COL13A1: variants seen among roughly 807,000 people sequenced by gnomAD.
The protein encoded by COL13A1 is collagen alpha-1(XIII) chain.
Under a neutral mutation model 130.9 loss-of-function variants are expected in COL13A1, and 89 were observed. The ratio of observed to expected loss-of-function variants is 0.68; its 90% CI spans 0.57 to 0.81. COL13A1 has a LOEUF of 0.81. COL13A1 is among the 30% of genes least tolerant of loss of function. The pLI, the probability that COL13A1 is intolerant of heterozygous loss-of-function variation, is 0.00. For synonymous variants in COL13A1, 402 were observed against 341.6 expected (o/e 1.18, Z -1.95); for missense variants, 879 against 934.6 (o/e 0.94, Z 0.78).
At chr10:69,919,594 A>G (rs1339843249) in intron 20 of COL13A1, 71 bp from the exon 21 acceptor site, 2 of 398,830 alleles carry the variant, frequency 5.0e-6, no homozygotes, top group African/African-American at 2.1e-5. Context: ...CTGGTCAATG[A>G]TCACTGCCCA....
At chr10:69,859,230 A>G (rs1857284742) in intron 2 of COL13A1, among the ~76,000 whole-genome samples, 1 of 152,240 alleles carries the variant, frequency 6.6e-6, no homozygotes, top group South Asian at 2.1e-4. Context: ...AGGTTGATGC[A>G]AAAGTAATTG....
At chr10:69,953,084 C>A in intron 39 of COL13A1, 116 bp downstream of exon 39, 3 of 665,828 alleles carry the variant, frequency 4.5e-6, no homozygotes, top group South Asian at 3.7e-5. Flanking sequence ...CGGATGCTAC[C>A]AAAATCTCTC....
chr10:69,883,502 C>G (rs769071085), intron 7 of COL13A1, among the ~76,000 whole-genome samples: 47 of 152,224 alleles, frequency 3.1e-4, no homozygotes, highest in Non-Finnish European at 1.0e-4. Context: ...GCGTAGAAAC[C>G]TGACCTCTGT....
At chr10:69,829,538 A>G (rs1848312160) in intron 2 of COL13A1, among the ~76,000 whole-genome samples, 1 of 152,218 alleles carries the variant, frequency 6.6e-6, no homozygotes, top group Non-Finnish European at 1.5e-5. Context: ...TGCTTTAGAA[A>G]TCAGCCAGTC....
At chr10:69,909,373 C>A (rs1212858191) in intron 17 of COL13A1, among the ~76,000 whole-genome samples, 1 of 152,182 alleles carries the variant, frequency 6.6e-6, no homozygotes, top group Admixed American at 6.5e-5. Context: ...GCTGTGAGGC[C>A]ATCATGCCCC....
At chr10:69,931,192 A>T (rs574120497) in intron 30 of COL13A1, 1 of 456,238 alleles carries the variant, frequency 2.2e-6, no homozygotes, top group African/African-American at 2.0e-5. Flanking sequence ...AGAGGAGAAC[A>T]TGGTGGCCAG....
At chr10:69,868,271 G>A (rs933828155) in intron 3 of COL13A1, among the ~76,000 whole-genome samples, 1 of 152,172 alleles carries the variant, frequency 6.6e-6, no homozygotes, top group Non-Finnish European at 1.5e-5. Flanking sequence ...CCCTGAGTGG[G>A]GCAGCTCCAT....
chr10:69,897,630 C>A, intron 13 of COL13A1: 1 of 1,346,612 alleles, frequency 7.4e-7, no homozygotes, highest in Admixed American at 1.9e-5. Flanking sequence ...GCAGTGGGAG[C>A]GGGTGGAGCT....
chr10:69,895,564 G>T lies in COL13A1; in HGVS notation c.672G>T (p.Glu224Asp), dbSNP rs749952829. ...GQKGEKGQCG[E>D]YPHRLLPLLN... is the part of the protein sequence containing the mutation. ...CTCCTTCCCAGGGTCAGTGTGGAGAGTACCCACACCGGGTAAGTGAACCCC... is the reference window on the plus strand; with the variant it reads ...CTCCTTCCCAGGGTCAGTGTGGAGATTACCCACACCGGGTAAGTGAACCCC... Residue 224 changes from glutamate (E) to aspartate (D), a missense_variant, in exon 13 of 41, where the codon GAG (glutamate) becomes GAT (aspartate). By Grantham distance (45) the Glu-to-Asp change is conservative. Around this residue, in one of 3 missense-constraint regions of COL13A1, gnomAD observed 715 missense variants for 721.0 expected, o/e 0.99. Transcript: ENST00000645393. 3 of 1,613,970 alleles carry T rather than the reference G, an allele frequency of 1.9e-6. No homozygotes were observed. Among genetic ancestry groups the T allele is most frequent in the South Asian group, 2.2e-5 (2 of 91,078 alleles).
chr10:69,888,561 G>A (rs370042359), intron 9 of COL13A1, among the ~76,000 whole-genome samples: 7 of 152,194 alleles, frequency 4.6e-5, no homozygotes, highest in African/African-American at 1.2e-4. Flanking sequence ...AAGTCCAGGC[G>A]AGAGCCATCC....
In COL13A1 at chr10:69,892,572, G is replaced by A. The variant is rs900007285; in HGVS notation, c.604-1980G>A. Among the ~76,000 whole-genome samples the A allele has an allele frequency of 5.3e-5, 8 of 152,308 alleles. No homozygotes were observed. In the South Asian group the frequency reaches 6.2e-4, roughly 12 times the overall value. On this transcript the variant is annotated intron_variant, in intron 10 of 40. Coordinates refer to ENST00000645393, the MANE Select transcript of COL13A1 (RefSeq NM_001368882.1). ...CCCACAGGGCTGTCGAGTGAGGAGC[G>A]CCAGGCACTCAGAACATGCTTGGCA...
At chr10:69,839,192 T>C (rs1300975220) in intron 2 of COL13A1, among the ~76,000 whole-genome samples, 1 of 152,202 alleles carries the variant, frequency 6.6e-6, no homozygotes, top group Non-Finnish European at 1.5e-5. Context: ...GTTCGTTCGT[T>C]CGTTCAACAA....
chr10:69,950,668 G>A (rs2069385394), intron 38 of COL13A1, among the ~76,000 whole-genome samples: 1 of 152,210 alleles, frequency 6.6e-6, no homozygotes. Flanking sequence ...CAAAACTTCA[G>A]GCCGATGGGA....
At chr10:69,911,300 G>A (rs1177320524) in intron 17 of COL13A1, among the ~76,000 whole-genome samples, 1 of 152,184 alleles carries the variant, frequency 6.6e-6, no homozygotes, top group Non-Finnish European at 1.5e-5. Flanking sequence ...ATGATAACTC[G>A]TGCAATTGTA....
intron 5 of COL13A1, among the ~76,000 whole-genome samples, chr10:69,875,942 CT>C (rs2059527951): frequency 6.6e-6 from 1 of 152,234 alleles, no homozygotes; most frequent in Non-Finnish European, 1.5e-5. Flanking sequence ...CCCAGGACCC[CT>C]GACCACCCCC....
intron 15 of COL13A1, among the ~76,000 whole-genome samples, 175 bp downstream of exon 15, chr10:69,903,030 G>A (rs1203447026): frequency 6.6e-6 from 1 of 152,224 alleles, no homozygotes; most frequent in Non-Finnish European, 1.5e-5. Flanking sequence ...ACCACCTGTT[G>A]CACTCTGGCT....
chr10:69,813,303 T>A (rs1217572993), intron 1 of COL13A1, among the ~76,000 whole-genome samples: 2 of 152,180 alleles, frequency 1.3e-5, no homozygotes, highest in Non-Finnish European at 2.9e-5. Flanking sequence ...CCATCAGTTC[T>A]GGGGCCCGGT....
Position 69,802,554 on chromosome 10 carries a change from C to T in COL13A1, c.131C>T (p.Ser44Leu). ...GGCGCACGGCTGCCGAGTCCAGGGTCGTGCGGGCTGCTGACGCTGGCCCTC... is the reference window on the plus strand; with the variant it reads ...GGCGCACGGCTGCCGAGTCCAGGGTTGTGCGGGCTGCTGACGCTGGCCCTC... ...ERGARLPSPG[S>L]CGLLTLALCS... The change falls in exon 1 of 41, where the codon TCG becomes TTG. Residue 44 changes from serine to leucine, a missense_variant. Coordinates refer to ENST00000645393, the MANE Select transcript of COL13A1 (RefSeq NM_001368882.1). The T allele has an allele frequency of 1.2e-6, 2 of 1,609,246 alleles. No homozygotes were observed. Among genetic ancestry groups the T allele is most frequent in the African/African-American group, 1.3e-5 (1 of 74,576 alleles).
intron 17 of COL13A1, among the ~76,000 whole-genome samples, chr10:69,906,071 CAG>C (rs2062723695): frequency 6.6e-6 from 1 of 152,190 alleles, no homozygotes; most frequent in Admixed American, 6.5e-5. Flanking sequence ...TCTTACAGGC[CAG>C]AGAGTCAGAA....
Sources: allele counts gnomAD v4.1 joint callset (sites outside exome capture counted in the v4.1 genomes callset), GRCh38; gene constraint gnomAD v4.1.1; regional missense constraint gnomAD v4.1.1; transcripts MANE v1.5; gene names NCBI Gene and HGNC (gene_info 2026-07-23, HGNC 2026-07-21).